The following TENM2 variants were observed in gnomAD, a reference collection of about 807,000 sequenced individuals.
The protein encoded by TENM2 is teneurin-2.
In TENM2, 52 loss-of-function variants were observed where a neutral mutation model predicts 245.2. The observed-to-expected ratio is 0.21, with a 90% confidence interval of 0.17 to 0.27. TENM2 has a LOEUF of 0.27. Ranked by LOEUF, TENM2 falls within the 10% of genes least tolerant of loss-of-function variation. The pLI is 1.00. For missense variants in TENM2, 3,046 were observed against 3,666.8 expected, an observed-to-expected ratio of 0.83 and a Z score of 4.37; for synonymous variants, 1,363 against 1,438.9, an observed-to-expected ratio of 0.95 and a Z score of 1.19.
chr5:167,369,314 A>G (rs1014983430), intron 1 of TENM2, among the ~76,000 whole-genome samples: 3 of 152,182 alleles, frequency 2.0e-5, no homozygotes, highest in African/African-American at 4.8e-5. Context: ...GGAACACTAA[A>G]TCTTGGTCCA....
the TENM2 span, among the ~76,000 whole-genome samples, chr5:167,187,301 G>A: frequency 6.6e-6 from 1 of 152,196 alleles, no homozygotes; most frequent in Non-Finnish European, 1.5e-5. Flanking sequence ...CAAAAGGGAA[G>A]ACAGGGAATG....
At chr5:168,110,374 A>T (rs1020560630) in intron 9 of TENM2, among the ~76,000 whole-genome samples, 1 of 152,172 alleles carries the variant, frequency 6.6e-6, no homozygotes, top group Non-Finnish European at 1.5e-5. Context: ...ACTTTACATC[A>T]TTATCTCATT....
At chr5:167,305,991 C>T (rs894666595) in intron 1 of TENM2, among the ~76,000 whole-genome samples, 3 of 152,024 alleles carry the variant, frequency 2.0e-5, no homozygotes, top group Admixed American at 6.5e-5. Flanking sequence ...CTGAAGAAGT[C>T]GCTGGCTTCT....
chr5:168,073,515 T>C (rs1373529717), intron 7 of TENM2, among the ~76,000 whole-genome samples: 2 of 152,166 alleles, frequency 1.3e-5, no homozygotes, highest in African/African-American at 4.8e-5. Flanking sequence ...GGGACATACC[T>C]TTTCCTTTTA....
At chr5:167,197,960 G>A in the TENM2 span, among the ~76,000 whole-genome samples, 1 of 151,926 alleles carries the variant, frequency 6.6e-6, no homozygotes, top group East Asian at 1.9e-4. Context: ...TAAATGGGGA[G>A]AAAAGAAAGG....
chr5:167,467,006 A>T (rs959136276), intron 2 of TENM2, among the ~76,000 whole-genome samples: 1 of 152,166 alleles, frequency 6.6e-6, no homozygotes, highest in Non-Finnish European at 1.5e-5. Context: ...AATTGGAGGA[A>T]ATGAATCCTA....
At chr5:168,215,012 A>C in intron 20 of TENM2, 28 bp from the exon 23 acceptor site, 1 of 1,606,376 alleles carries the variant, frequency 6.2e-7, no homozygotes, top group Non-Finnish European at 8.5e-7. Flanking sequence ...CCCCCTCCTC[A>C]TTTCTCTTTG....
chr5:168,139,498 G>A, intron 12 of TENM2: 1 of 456,444 alleles, frequency 2.2e-6, no homozygotes, highest in Non-Finnish European at 4.4e-6. Flanking sequence ...ACTGGCAAAG[G>A]CTAGAAGTGA....
intron 5 of TENM2, among the ~76,000 whole-genome samples, chr5:168,039,344 T>C (rs1787981064): frequency 6.6e-6 from 1 of 152,150 alleles, no homozygotes; most frequent in Admixed American, 6.5e-5. Context: ...GTTTGGGTTG[T>C]CAACAGTGAA....
chr5:167,653,795 G>C (rs1754644283), intron 2 of TENM2: 1 of 152,168 alleles, frequency 6.6e-6, no homozygotes, highest in Non-Finnish European at 1.5e-5. Context: ...TGACAAGCTA[G>C]GCAAACAGCT....
At chr5:167,214,163 T>C in the TENM2 span, among the ~76,000 whole-genome samples, 2 of 152,238 alleles carry the variant, frequency 1.3e-5, no homozygotes, top group African/African-American at 4.8e-5. Context: ...CGTGTGATGG[T>C]AAATGTTTCA....
At chr5:167,202,669 G>A in the TENM2 span, among the ~76,000 whole-genome samples, 3 of 152,102 alleles carry the variant, frequency 2.0e-5, no homozygotes, top group Admixed American at 6.5e-5. Context: ...AGTCACACAG[G>A]TGTGGCTCCT....
the TENM2 span, among the ~76,000 whole-genome samples, chr5:167,135,047 A>C: frequency 1.2e-4 from 18 of 152,218 alleles, no homozygotes; most frequent in Admixed American, 2.6e-4. Context: ...CACAGTGTAC[A>C]TTATCGTCAT....
chr5:167,084,327 T>TTATTTATA, the TENM2 span, among the ~76,000 whole-genome samples: 1 of 23,170 alleles, frequency 4.3e-5, no homozygotes, highest in African/African-American at 9.0e-5. Context: ...GCCATTTTAG[T>TTATTTATA]TATATATATA....
the TENM2 span, among the ~76,000 whole-genome samples, chr5:167,196,818 C>T: frequency 3.3e-5 from 5 of 151,606 alleles, no homozygotes; most frequent in African/African-American, 7.3e-5. Flanking sequence ...CTAGAGGATG[C>T]GTGTAGGTTA....
intron 15 of TENM2, among the ~76,000 whole-genome samples, chr5:168,196,547 C>A (rs1018186731): frequency 6.6e-6 from 1 of 152,138 alleles, no homozygotes. Flanking sequence ...CTGCAACCTC[C>A]GCCTCCTGAG....
intron 1 of TENM2, among the ~76,000 whole-genome samples, chr5:167,288,259 CAAAG>C (rs1471169283): frequency 6.6e-6 from 1 of 152,098 alleles, no homozygotes; most frequent in Admixed American, 6.5e-5. Flanking sequence ...ATAACAATGA[CAAAG>C]GAATAATGGC....
At chr5:167,972,664 A>G (rs751793992) in intron 4 of TENM2, among the ~76,000 whole-genome samples, 12 of 152,182 alleles carry the variant, frequency 7.9e-5, no homozygotes, top group African/African-American at 1.2e-4. Context: ...ATCTGTCTCC[A>G]TTCAAATGTT....
chr5:168,106,489 A>C (rs1794254937), intron 9 of TENM2, among the ~76,000 whole-genome samples: 1 of 152,172 alleles, frequency 6.6e-6, no homozygotes, highest in Admixed American at 6.5e-5. Context: ...CCTTTTATAG[A>C]TGTGGAAAAT....
Sources: allele counts gnomAD v4.1 joint callset (sites outside exome capture counted in the v4.1 genomes callset), GRCh38; gene constraint gnomAD v4.1.1; transcripts MANE v1.5; gene names NCBI Gene and HGNC (gene_info 2026-07-23, HGNC 2026-07-21).